Variants in C1orf54 observed in about 807,000 individuals in gnomAD.
C1orf54 encodes chromosome 1 open reading frame 54, also known as uncharacterized protein C1orf54.
C1orf54 carries 12 observed loss-of-function variants against 14.7 expected under a neutral mutation model. That is an observed-to-expected ratio of 0.82 (90% CI 0.52 to 1.32). The LOEUF is 1.32. Among genes scored for constraint, C1orf54 ranks in the 40% most tolerant of loss-of-function variants. C1orf54 has a pLI of 0.00. For missense variants in C1orf54, 163 were observed against 162.2 expected, an observed-to-expected ratio of 1.00 and a Z score of -0.03; for synonymous variants, 65 against 56.3, an observed-to-expected ratio of 1.16 and a Z score of -0.70.
At chr1:150,269,522 T>A (rs1200847993), upstream of C1orf54, 1 of 152,074 alleles carries the variant, frequency 6.6e-6, no homozygotes, top group Non-Finnish European at 1.5e-5. Flanking sequence ...GAAGCCTTCA[T>A]CTGTAATGAC....
In C1orf54 at chr1:150,272,881, T is replaced by G; in HGVS notation, c.46+18T>G. 6.2e-7 allele frequency: 1 copy of G among 1,613,960 alleles called. No individual in the cohort carries two copies. The highest frequency in any genetic ancestry group is 8.5e-7 in the Non-Finnish European group (1 of 1,179,850). On this transcript the variant is annotated intron_variant, in intron 1 of 5. Transcript: ENST00000369099. ...TATCCTGGGTAAGTCCACTCCTCTC[T>G]CTGAGCTTTTGTGCCAGGTCTTCTA...
chr1:150,279,748 G>A lies in C1orf54; in HGVS notation c.*3+7G>A. On this transcript the variant is annotated splice_region_variant and intron_variant, in intron 5 of 5. Coordinates refer to ENST00000369099, the MANE Select transcript of C1orf54 (RefSeq NM_024579.4). ...GATGTATTTCATGTAGAAGGTAAGA[G>A]TGCAGCCACTGGCTTTGGGGGAGTC... 1 of 1,602,462 alleles carries A rather than the reference G, an allele frequency of 6.2e-7. No homozygotes were observed. The highest frequency in any genetic ancestry group is 8.5e-7 in the Non-Finnish European group (1 of 1,171,938).
upstream of C1orf54, chr1:150,269,009 CCGAAGAGGGGACAAA>C: frequency 1.9e-6 from 1 of 533,040 alleles, no homozygotes; most frequent in Non-Finnish European, 3.4e-6. Context: ...TCTACGGAAG[CCGAAGAGGGGACAAA>C]TCCCGGCCGC....
At position 150,275,776 on chromosome 1, in the gene C1orf54, A is replaced by G. The variant is rs782799263; in HGVS notation, c.166A>G (p.Ile56Val). 6.2e-7 allele frequency: 1 copy of G among 1,612,496 alleles called. No homozygotes were observed. Among genetic ancestry groups the G allele is most frequent in the Non-Finnish European group, 8.5e-7 (1 of 1,178,612 alleles). ...FSADFTIDYS[I>V]FESEDRLNRL... ...TGCAGATTTCACCATTGATTACTCC[A>G]TATTTGAGTCAGAGGACAGGCTGGT... Residue 56 changes from isoleucine (I) to valine (V), a missense_variant, in exon 3 of 6, where the codon ATA (isoleucine) becomes GTA (valine). Transcript: ENST00000369099.
Position 150,276,630 on chromosome 1 carries a change from C to A in C1orf54, c.298C>A (p.Pro100Thr), listed in dbSNP as rs782575298. The stretch of plus-strand genomic sequence containing the variant: ...AACTGTGAAACCAGTAACAACGGAA[C>A]CTGTGAGTTGATTGGGGATTGGGGG... The part of the protein sequence containing the change: ...PVTVKPVTTE[P>T]SPDLNDAVSS... Residue 100 changes from proline to threonine, a missense_variant and splice_region_variant, in exon 4 of 6, where the codon CCT becomes ACT. By Grantham distance (38) the Pro-to-Thr change is conservative. Transcript: ENST00000369099. 5.6e-6 allele frequency: 9 copies of A among 1,612,408 alleles called. No homozygotes were observed. Among genetic ancestry groups the A allele is most frequent in the East Asian group, 2.2e-5 (1 of 44,876 alleles).
chr1:150,273,169 G>T (rs1355341523), intron 1 of C1orf54, among the ~76,000 whole-genome samples: 1 of 152,166 alleles, frequency 6.6e-6, no homozygotes, highest in East Asian at 1.9e-4. Flanking sequence ...CTAAAGTAAG[G>T]GTGAAGGAGG....
Position 150,276,588 on chromosome 1 carries a change from G to C in C1orf54, c.256G>C (p.Asp86His). The C allele has an allele frequency of 6.2e-7, 1 of 1,614,148 alleles. No homozygotes were observed. Among genetic ancestry groups the C allele is most frequent in the Non-Finnish European group, 8.5e-7 (1 of 1,180,036 alleles). The change falls in exon 4 of 6, where the codon GAC (aspartate) becomes CAC (histidine). Residue 86 changes from aspartate to histidine, a missense_variant. Coordinates refer to ENST00000369099, the MANE Select transcript of C1orf54 (RefSeq NM_024579.4). ...TTISLETARA[D>H]HPKPVTVKPV... The stretch of plus-strand genomic sequence containing the variant: ...CATTAGTCTTGAAACAGCACGTGCA[G>C]ACCATCCGAAGCCTGTAACTGTGAA...
intron 5 of C1orf54, among the ~76,000 whole-genome samples, chr1:150,280,539 A>ACGGATGG (rs1402879777): frequency 6.6e-6 from 1 of 152,246 alleles, no homozygotes; most frequent in East Asian, 1.9e-4. Flanking sequence ...CAGAGGCAGA[A>ACGGATGG]CGGATGGCGG....
intron 5 of C1orf54, 33 bp downstream of exon 5, chr1:150,279,774 T>C: frequency 6.5e-7 from 1 of 1,536,926 alleles, no homozygotes; most frequent in Non-Finnish European, 8.9e-7. Context: ...TGGGGGAGTC[T>C]GTGAAATAAT....
chr1:150,279,938 G>A (rs1413136372), intron 5 of C1orf54, among the ~76,000 whole-genome samples, 197 bp downstream of exon 5: 9 of 152,112 alleles, frequency 5.9e-5, no homozygotes, highest in African/African-American at 1.9e-4. Flanking sequence ...AGGATCGCTT[G>A]AGCCCAGGAG....
chr1:150,272,670 C>A, upstream of C1orf54: 2 of 744,156 alleles, frequency 2.7e-6, no homozygotes, highest in Non-Finnish European at 4.6e-6. Flanking sequence ...AGTCAGTCAG[C>A]CAGTAGGCGG....
intron 2 of C1orf54, among the ~76,000 whole-genome samples, chr1:150,275,332 G>A (rs1028657601): frequency 6.6e-4 from 12 of 18,162 alleles, no homozygotes; most frequent in Admixed American, 2.3e-3. Context: ...CATCGTGCCC[G>A]GCCAAATTTT....
chr1:150,270,801 C>A (rs1242027056), upstream of C1orf54, among the ~76,000 whole-genome samples: 1 of 151,572 alleles, frequency 6.6e-6, no homozygotes, highest in East Asian at 2.0e-4. Context: ...TCGAGACCAT[C>A]CTGGCTAACA....
intron 4 of C1orf54, 65 bp from the exon 5 acceptor site, chr1:150,279,578 G>T: frequency 1.4e-6 from 2 of 1,428,984 alleles, no homozygotes; most frequent in Non-Finnish European, 1.9e-6. Context: ...TTTCTGGAGG[G>T]GGACAGAGAA....
intron 2 of C1orf54, among the ~76,000 whole-genome samples, chr1:150,274,541 AG>A (rs1446104185): frequency 6.7e-5 from 10 of 148,424 alleles, no homozygotes; most frequent in African/African-American, 2.5e-4. Context: ...CAGAGGTTGC[AG>A]TGAGCTGAGA....
intron 5 of C1orf54, 102 bp from the exon 6 acceptor site, chr1:150,280,733 A>G: frequency 1.1e-6 from 1 of 917,800 alleles, no homozygotes. Flanking sequence ...GAGCAATCCC[A>G]GCTCAGAATA....
At chr1:150,278,644 A>G (rs1553852937) in intron 4 of C1orf54, among the ~76,000 whole-genome samples, 1 of 152,206 alleles carries the variant, frequency 6.6e-6, no homozygotes, top group African/African-American at 2.4e-5. Flanking sequence ...CCAAGTTTGT[A>G]TTATAGAGTC....
At chr1:150,280,115 TG>T (rs1165710464) in intron 5 of C1orf54, among the ~76,000 whole-genome samples, 1 of 151,980 alleles carries the variant, frequency 6.6e-6, no homozygotes, top group African/African-American at 2.4e-5. Context: ...TCCCAGCTAT[TG>T]GGGGGGATGG....
chr1:150,268,928 T>C (rs200566570), upstream of C1orf54: 6 of 822,970 alleles, frequency 7.3e-6, no homozygotes, highest in Middle Eastern at 3.4e-4. Flanking sequence ...CGCGGTGCAA[T>C]GTCACCCCCA....
Sources: gnomAD v4.1 joint callset for allele counts (sites outside exome capture counted in the v4.1 genomes callset) on GRCh38, gnomAD v4.1.1 for gene constraint, MANE v1.5 for transcripts, NCBI Gene and HGNC (gene_info 2026-07-23, HGNC 2026-07-21) for gene names.